DOCK1: variants seen among roughly 807,000 people sequenced by gnomAD.
The protein encoded by DOCK1 is dedicator of cytokinesis protein 1.
Under a neutral mutation model 262.7 loss-of-function variants are expected in DOCK1, and 138 were observed. The ratio of observed to expected loss-of-function variants is 0.53; its 90% CI spans 0.46 to 0.61. The LOEUF (loss-of-function observed/expected upper bound fraction) is 0.61. Ranked by LOEUF, DOCK1 falls within the 20% of genes least tolerant of loss-of-function variation. The pLI is 0.00. For missense variants in DOCK1, 1,908 were observed against 2,370.7 expected (o/e 0.80, Z 4.05); for synonymous variants, 866 against 867.4 (o/e 1.00, Z 0.03).
In DOCK1 at chr10:127,268,634, G is replaced by A. The variant is rs1328446369; in HGVS notation, c.3044+11205G>A. Among the ~76,000 whole-genome samples the A allele has an allele frequency of 4.6e-5, 7 of 151,884 alleles. No homozygotes were observed. In the East Asian group the frequency reaches 5.8e-4, roughly 13 times the overall value. The stretch of plus-strand genomic sequence containing the variant: ...GCCATGTGACCTCAGCCAAACCAGC[G>A]CCCTCTAGAACAAATAATAGCAGCT... On this transcript the variant is annotated intron_variant, in intron 29 of 51. Coordinates refer to ENST00000623213, the MANE Select transcript of DOCK1 (RefSeq NM_001290223.2).
At chr10:127,129,295 C>T (rs1216850848) in intron 27 of DOCK1, among the ~76,000 whole-genome samples, 1 of 152,124 alleles carries the variant, frequency 6.6e-6, no homozygotes, top group Non-Finnish European at 1.5e-5. Context: ...AACTTAAACT[C>T]ACATTTTCCT....
At chr10:126,943,100 A>C (rs2035143890) in intron 1 of DOCK1, among the ~76,000 whole-genome samples, 1 of 151,638 alleles carries the variant, frequency 6.6e-6, no homozygotes, top group African/African-American at 2.4e-5. Flanking sequence ...CTACCAAAAA[A>C]AAAAAAAGCC....
At chr10:127,034,844 T>C (rs2043484325) in intron 18 of DOCK1, among the ~76,000 whole-genome samples, 1 of 142,812 alleles carries the variant, frequency 7.0e-6, no homozygotes, top group South Asian at 2.2e-4. Context: ...AGAATCCTTC[T>C]TAACCCTTAT....
chr10:127,237,268 G>A (rs2059106351), intron 27 of DOCK1, among the ~76,000 whole-genome samples: 1 of 150,900 alleles, frequency 6.6e-6, no homozygotes, highest in African/African-American at 2.4e-5. Flanking sequence ...GCTGAGGCAG[G>A]AGAAGCACTT....
intron 6 of DOCK1, 83 bp from the exon 7 acceptor site, chr10:126,996,665 C>G: frequency 7.3e-7 from 1 of 1,369,488 alleles, no homozygotes; most frequent in Non-Finnish European, 9.5e-7. Context: ...TTTACCTGCC[C>G]AGTTGCTGTG....
At chr10:127,356,596 G>C (rs1163815567) in intron 32 of DOCK1, among the ~76,000 whole-genome samples, 1 of 152,142 alleles carries the variant, frequency 6.6e-6, no homozygotes, top group Non-Finnish European at 1.5e-5. Flanking sequence ...CAGGGACCCA[G>C]TGTGGTCCCA....
chr10:127,306,561 C>T (rs2061884659), intron 29 of DOCK1, among the ~76,000 whole-genome samples: 1 of 152,154 alleles, frequency 6.6e-6, no homozygotes, highest in Admixed American at 6.5e-5. Context: ...CAGGAGCTCT[C>T]GGGTCGCTGG....
intron 38 of DOCK1, among the ~76,000 whole-genome samples, chr10:127,397,971 A>G (rs1208067223): frequency 1.3e-5 from 2 of 152,136 alleles, no homozygotes; most frequent in Non-Finnish European, 2.9e-5. Context: ...CCTGTATTAC[A>G]CAACAGTGAC....
rs1221964835 is a variant in DOCK1, at chr10:126,998,591, A to G, written c.767+342A>G. 3 of 186,568 alleles carry G rather than the reference A, an allele frequency of 1.6e-5. No individual in the cohort carries two copies. The Admixed American group carries it at 1.7e-4, about 10-fold the overall frequency. The allele number at this position is 186,568 out of a possible 1,614,324, so 11.6% of individuals were successfully genotyped here. On this transcript the variant is annotated intron_variant, in intron 8 of 51. Coordinates refer to ENST00000623213, the MANE Select transcript of DOCK1 (RefSeq NM_001290223.2). ...GATTTTATATATCCTGGTCCCTCAAATATCACTATTTCCATTTTTCAAAAT... is the reference window on the plus strand; with the variant it reads ...GATTTTATATATCCTGGTCCCTCAAGTATCACTATTTCCATTTTTCAAAAT...
intron 21 of DOCK1, among the ~76,000 whole-genome samples, chr10:127,044,309 C>T (rs1463926198): frequency 2.0e-5 from 3 of 152,104 alleles, no homozygotes; most frequent in East Asian, 3.9e-4. Flanking sequence ...ATATCTGCCT[C>T]GTGTGCGTGT....
chr10:127,017,306 CAG>C (rs2135389506), intron 12 of DOCK1, among the ~76,000 whole-genome samples: 1 of 148,478 alleles, frequency 6.7e-6, no homozygotes. Context: ...GGTATAGACA[CAG>C]ACACGCACAC....
chr10:127,122,950 C>CATG (rs1564819154), intron 25 of DOCK1, among the ~76,000 whole-genome samples: 2 of 152,156 alleles, frequency 1.3e-5, no homozygotes, highest in African/African-American at 4.8e-5. Flanking sequence ...GCCTACCCAG[C>CATG]ATGACAGATA....
chr10:126,963,876 G>A (rs1175918988), intron 1 of DOCK1, among the ~76,000 whole-genome samples: 1 of 152,050 alleles, frequency 6.6e-6, no homozygotes, highest in African/African-American at 2.4e-5. Flanking sequence ...CCAGCCTAAG[G>A]CATTTGCCCC....
At chr10:126,942,032 C>CT (rs1269681285) in intron 1 of DOCK1, among the ~76,000 whole-genome samples, 17 of 149,156 alleles carry the variant, frequency 1.1e-4, no homozygotes, top group East Asian at 6.0e-4. Flanking sequence ...TGCTCTTTTT[C>CT]TTTTTTTTTT....
intron 1 of DOCK1, among the ~76,000 whole-genome samples, chr10:126,949,526 A>C (rs1269425476): frequency 2.0e-5 from 3 of 152,134 alleles, no homozygotes; most frequent in Non-Finnish European, 2.9e-5. Flanking sequence ...CCAGGGCATC[A>C]GTACATCCCC....
intron 18 of DOCK1, among the ~76,000 whole-genome samples, chr10:127,033,508 T>C (rs2135545593): frequency 6.6e-6 from 1 of 152,340 alleles, no homozygotes; most frequent in East Asian, 1.9e-4. Context: ...AATGCAGCCG[T>C]ATCACAGCTG....
intron 27 of DOCK1, among the ~76,000 whole-genome samples, chr10:127,172,698 G>A (rs954612070): frequency 1.3e-5 from 2 of 152,150 alleles, no homozygotes; most frequent in East Asian, 3.9e-4. Flanking sequence ...ACAGAGACCT[G>A]CCTTTCTACC....
chr10:126,924,783 C>T (rs190421068), intron 1 of DOCK1, among the ~76,000 whole-genome samples: 11 of 152,294 alleles, frequency 7.2e-5, no homozygotes, highest in Non-Finnish European at 1.5e-4. Flanking sequence ...GATTTATAGA[C>T]AGGCACTTAA....
At chr10:127,433,106 A>C (rs1380078637) in intron 47 of DOCK1, among the ~76,000 whole-genome samples, 177 bp from the exon 48 acceptor site, 1 of 152,172 alleles carries the variant, frequency 6.6e-6, no homozygotes, top group Non-Finnish European at 1.5e-5. Context: ...GTTTTAAAAG[A>C]CTCAAAAATA....
Sources: gnomAD v4.1 joint callset for allele counts (sites outside exome capture counted in the v4.1 genomes callset) on GRCh38, gnomAD v4.1.1 for gene constraint, MANE v1.5 for transcripts, NCBI Gene and HGNC (gene_info 2026-07-23, HGNC 2026-07-21) for gene names.